DLGAP2: variants seen among roughly 807,000 people sequenced by gnomAD.
The protein encoded by DLGAP2 is disks large-associated protein 2.
DLGAP2 carries 26 observed loss-of-function variants against 100.3 expected under a neutral mutation model. That is an observed-to-expected ratio of 0.26 (90% confidence interval 0.19 to 0.36). The LOEUF is 0.36. Among genes scored for constraint, DLGAP2 ranks in the 10% least tolerant of loss-of-function variants. The pLI is 1.00. For missense variants in DLGAP2, 1,858 were observed against 1,453.2 expected (o/e 1.28, Z -4.53); for synonymous variants, 886 against 630.1 (o/e 1.41, Z -6.08).
chr8:1,165,743 C>T (rs563474585), intron 2 of DLGAP2, among the ~76,000 whole-genome samples: 1 of 152,020 alleles, frequency 6.6e-6, no homozygotes, highest in Non-Finnish European at 1.5e-5. Flanking sequence ...TTTGCTCTTT[C>T]AGTTTTTCTT....
intron 2 of DLGAP2, among the ~76,000 whole-genome samples, chr8:1,098,609 ACGGGCGCCGC>A (rs1804471107): frequency 9.4e-6 from 1 of 106,250 alleles, no homozygotes; most frequent in African/African-American, 3.2e-5. Flanking sequence ...CCGGCCGCCC[ACGGGCGCCGC>A]CACCCACGCC....
chr8:1,185,507 G>C (rs888848363), intron 2 of DLGAP2, among the ~76,000 whole-genome samples: 12 of 152,126 alleles, frequency 7.9e-5, no homozygotes, highest in Non-Finnish European at 2.9e-5. Context: ...ATGTGGGGTT[G>C]TTTGATCAAG....
chr8:979,186 C>G (rs1178281700), intron 2 of DLGAP2, among the ~76,000 whole-genome samples: 1 of 152,174 alleles, frequency 6.6e-6, no homozygotes, highest in Non-Finnish European at 1.5e-5. Flanking sequence ...ACTGACTTCA[C>G]AAAGGAACAT....
chr8:761,129 T>C (rs1821072673), intron 1 of DLGAP2, among the ~76,000 whole-genome samples: 1 of 152,100 alleles, frequency 6.6e-6, no homozygotes, highest in Non-Finnish European at 1.5e-5. Flanking sequence ...CTGCCCGGAG[T>C]GACCAGGCCT....
chr8:1,323,190 C>T (rs755473941), intron 3 of DLGAP2, among the ~76,000 whole-genome samples: 8 of 152,080 alleles, frequency 5.3e-5, no homozygotes, highest in South Asian at 2.1e-4. Context: ...CCTCCACGCC[C>T]GGCTTACTTT....
chr8:1,451,043 C>G (rs1188399474), intron 3 of DLGAP2, among the ~76,000 whole-genome samples: 1 of 152,100 alleles, frequency 6.6e-6, no homozygotes. Context: ...CTTGGCAGAG[C>G]TCCTGTGGTC....
intron 7 of DLGAP2, among the ~76,000 whole-genome samples, chr8:1,629,358 C>T (rs748251783): frequency 1.3e-4 from 20 of 152,274 alleles, no homozygotes; most frequent in African/African-American, 1.7e-4. Context: ...AAGGAAAGAC[C>T]GTCCCTAGCC....
intron 2 of DLGAP2, among the ~76,000 whole-genome samples, chr8:973,480 G>A (rs1359371235): frequency 6.6e-6 from 1 of 152,080 alleles, no homozygotes; most frequent in Non-Finnish European, 1.5e-5. Context: ...AGACGGGGTG[G>A]TGGGGCAGGA....
intron 2 of DLGAP2, among the ~76,000 whole-genome samples, chr8:1,021,106 A>G (rs1312635540): frequency 6.6e-6 from 1 of 152,216 alleles, no homozygotes; most frequent in Non-Finnish European, 1.5e-5. Context: ...TATGATGGTC[A>G]CTTGTGCCTA....
chr8:856,261 T>A lies in DLGAP2; in HGVS notation c.19-51651T>A, dbSNP rs1160973331. Among the ~76,000 whole-genome samples the A allele has an allele frequency of 4.7e-5, 7 of 149,174 alleles. No homozygotes were observed. The East Asian group carries it at 1.4e-3, about 30-fold the overall frequency. On this transcript the variant is annotated intron_variant, in intron 1 of 14. Coordinates refer to ENST00000637795, the MANE Select transcript of DLGAP2 (RefSeq NM_001346810.2). The stretch of plus-strand genomic sequence containing the variant: ...TAGAGTGCAATGGTGCAATCTCAGC[T>A]CGCTACAACCTTCGCCTCCCGGGTT...
intron 2 of DLGAP2, among the ~76,000 whole-genome samples, chr8:922,325 G>A (rs559136387): frequency 2.6e-5 from 4 of 152,214 alleles, no homozygotes; most frequent in South Asian, 2.1e-4. Flanking sequence ...AAGGGACAGC[G>A]GACCCCTCCG....
intron 1 of DLGAP2, among the ~76,000 whole-genome samples, chr8:806,029 G>A (rs973996781): frequency 6.6e-6 from 1 of 152,200 alleles, no homozygotes; most frequent in Non-Finnish European, 1.5e-5. Flanking sequence ...GATGCATTTT[G>A]CCAATTCCTT....
At chr8:1,437,766 G>T (rs561338871) in intron 3 of DLGAP2, among the ~76,000 whole-genome samples, 3 of 138,262 alleles carry the variant, frequency 2.2e-5, no homozygotes, top group African/African-American at 8.2e-5. Flanking sequence ...TCAGGAGTTC[G>T]AGACTAGCCT....
At chr8:1,075,915 C>G (rs6559211) in intron 2 of DLGAP2, among the ~76,000 whole-genome samples, 140,336 of 151,710 alleles carry the variant, frequency 0.93, 65,267 homozygotes, top group Non-Finnish European at 0.96. Flanking sequence ...AAAATAAAAA[C>G]AAAAAAAAAG....
Position 1,683,954 on chromosome 8 carries a change from G to GTGTATATATATATATATATA in DLGAP2, c.2704+5326_2704+5327insGTATATATATATATATATAT, listed in dbSNP as rs1450063590. 1.6e-4 allele frequency among the ~76,000 whole-genome samples: 12 copies of GTGTATATATATATATATATA among 74,728 alleles called. 1 individual carries two copies. Among genetic ancestry groups the GTGTATATATATATATATATA allele is most frequent in the Admixed American group, 8.7e-4 (5 of 5,722 alleles). The allele number at this position is 74,728 out of a possible 152,430, so 49.0% of individuals were successfully genotyped here. ...TATATATGTGTATATATATATGTGT[G>GTGTATATATATATATATATA]TATATATATATATATATATATATAT... On this transcript the variant is annotated intron_variant, in intron 12 of 14. Transcript: ENST00000637795.
At chr8:1,483,288 C>G (rs1799148190) in intron 3 of DLGAP2, among the ~76,000 whole-genome samples, 1 of 152,224 alleles carries the variant, frequency 6.6e-6, no homozygotes. Flanking sequence ...TCCCTCTAGA[C>G]TCTGCCCCAC....
At chr8:1,560,331 G>T (rs1212111038) in intron 5 of DLGAP2, among the ~76,000 whole-genome samples, 1 of 152,166 alleles carries the variant, frequency 6.6e-6, no homozygotes, top group Non-Finnish European at 1.5e-5. Flanking sequence ...ATTTTGGGTA[G>T]CTGGGTAGTA....
At chr8:1,424,548 C>T (rs1002157175) in intron 3 of DLGAP2, among the ~76,000 whole-genome samples, 1 of 152,240 alleles carries the variant, frequency 6.6e-6, no homozygotes, top group Non-Finnish European at 1.5e-5. Context: ...GGACACTATG[C>T]TGAGTGAAAT....
At chr8:1,419,810 A>G (rs981350225) in intron 3 of DLGAP2, among the ~76,000 whole-genome samples, 2 of 152,214 alleles carry the variant, frequency 1.3e-5, no homozygotes, top group African/African-American at 2.4e-5. Flanking sequence ...AGGTTCCTCA[A>G]AAAACTAAGC....
Sources: gnomAD v4.1 joint callset for allele counts (sites outside exome capture counted in the v4.1 genomes callset) on GRCh38, gnomAD v4.1.1 for gene constraint, MANE v1.5 for transcripts, NCBI Gene and HGNC (gene_info 2026-07-23, HGNC 2026-07-21) for gene names.